Variants in EMB observed in about 807,000 individuals in gnomAD.
EMB encodes embigin homolog.
Under a neutral mutation model 41.4 loss-of-function variants are expected in EMB, and 31 were observed. The ratio of observed to expected loss-of-function variants is 0.75; its 90% CI spans 0.56 to 1.01. EMB has a LOEUF of 1.01. Among genes scored for constraint, EMB ranks in the 50% least tolerant of loss-of-function variants. The pLI is 0.00. For missense variants in EMB, 379 were observed against 388.3 expected, an observed-to-expected ratio of 0.98 and a Z score of 0.20; for synonymous variants, 137 against 140.4, an observed-to-expected ratio of 0.98 and a Z score of 0.17.
At chr5:50,422,016 G>C (rs537534881) in intron 2 of EMB, among the ~76,000 whole-genome samples, 56 of 152,108 alleles carry the variant, frequency 3.7e-4, no homozygotes, top group African/African-American at 1.3e-3. Context: ...TGCACGTTGT[G>C]CACATGTACC....
intron 4 of EMB, among the ~76,000 whole-genome samples, chr5:50,408,352 G>A (rs896530108): frequency 6.6e-6 from 1 of 151,902 alleles, no homozygotes; most frequent in Non-Finnish European, 1.5e-5. Context: ...TTTCTCGGGT[G>A]GCAAGTAATC....
At chr5:50,432,673 G>GAA (rs1745739491) in intron 1 of EMB, among the ~76,000 whole-genome samples, 1 of 137,596 alleles carries the variant, frequency 7.3e-6, no homozygotes. Context: ...GCAGAAAGAG[G>GAA]AAAAAGGAAA....
At chr5:50,426,137 G>A (rs1034076865) in intron 2 of EMB, among the ~76,000 whole-genome samples, 17 of 152,114 alleles carry the variant, frequency 1.1e-4, no homozygotes, top group Admixed American at 6.6e-4. Flanking sequence ...ACAAGTAACT[G>A]GGCATTATGC....
intron 4 of EMB, among the ~76,000 whole-genome samples, chr5:50,407,868 A>C (rs1745273561): frequency 6.6e-6 from 1 of 151,962 alleles, no homozygotes; most frequent in Admixed American, 6.6e-5. Flanking sequence ...TGGGGTTTGG[A>C]TATACCCAGT....
chr5:50,422,539 A>C (rs540596624), intron 2 of EMB, among the ~76,000 whole-genome samples: 1 of 152,358 alleles, frequency 6.6e-6, no homozygotes, highest in East Asian at 1.9e-4. Context: ...TTCAGTTAAG[A>C]AAGTTGAGAC....
At chr5:50,435,749 G>A (rs1175857103) in intron 1 of EMB, among the ~76,000 whole-genome samples, 1 of 152,032 alleles carries the variant, frequency 6.6e-6, no homozygotes, top group African/African-American at 2.4e-5. Flanking sequence ...TTAGTACTTT[G>A]TACCCCATCA....
At chr5:50,424,235 T>C (rs556519504) in intron 2 of EMB, among the ~76,000 whole-genome samples, 12 of 152,366 alleles carry the variant, frequency 7.9e-5, no homozygotes, top group African/African-American at 2.9e-4. Flanking sequence ...GTATTTTAGA[T>C]ACTCGTAGGT....
chr5:50,438,338 G>C (rs1745839441), intron 1 of EMB, among the ~76,000 whole-genome samples: 1 of 152,232 alleles, frequency 6.6e-6, no homozygotes, highest in African/African-American at 2.4e-5. Flanking sequence ...CCTCCAGCCT[G>C]AGCGACAGAG....
chr5:50,438,158 C>T (rs924503821), intron 1 of EMB, among the ~76,000 whole-genome samples: 5 of 152,180 alleles, frequency 3.3e-5, no homozygotes, highest in African/African-American at 9.7e-5. Context: ...TTTAGGAAAA[C>T]AGGCACTGGA....
rs1295514707 is a variant in EMB, at chr5:50,402,199, TC to T, written c.911+86del. 9.0e-5 allele frequency: 126 copies of T among 1,395,100 alleles called. 2 individuals carry two copies. In the South Asian group the frequency reaches 1.2e-3, roughly 13 times the overall value. The allele number at this position is 1,395,100 out of a possible 1,614,324, so 86.4% of individuals were successfully genotyped here. A position where few individuals can be genotyped will look rare whatever the true frequency, so the allele number is the denominator to read the frequency against. ...ACAGAAAATACTCCTCTGCCTTTTC[TC>T]CCCCTAACTGCAAACATTTCATTCA... On this transcript the variant is annotated intron_variant, in intron 7 of 8. Coordinates refer to ENST00000303221, the MANE Select transcript of EMB (RefSeq NM_198449.3).
intron 2 of EMB, among the ~76,000 whole-genome samples, chr5:50,427,079 T>C (rs1745623602): frequency 6.6e-6 from 1 of 152,168 alleles, no homozygotes; most frequent in Admixed American, 6.6e-5. Context: ...CAGAACTTGT[T>C]AGCTCCCAAA....
intron 4 of EMB, among the ~76,000 whole-genome samples, chr5:50,408,402 T>C (rs1342636277): frequency 2.0e-5 from 3 of 152,028 alleles, no homozygotes; most frequent in Non-Finnish European, 2.9e-5. Flanking sequence ...GTGTACACTT[T>C]TGCTGTCTCC....
At position 50,430,005 on chromosome 5, in the gene EMB, T is replaced by TCTCA. The variant is rs1554025584; in HGVS notation, c.113-1779_113-1778insTGAG. 6.7e-4 allele frequency among the ~76,000 whole-genome samples: 94 copies of TCTCA among 140,580 alleles called. 1 individual carries two copies. The South Asian group carries it at 7.3e-3, about 11-fold the overall frequency. The allele number at this position is 140,580 out of a possible 152,430, so 92.2% of individuals were successfully genotyped here. A position where few individuals can be genotyped will look rare whatever the true frequency, so the allele number is the denominator to read the frequency against. On this transcript the variant is annotated intron_variant, in intron 1 of 8. Coordinates refer to ENST00000303221, the MANE Select transcript of EMB (RefSeq NM_198449.3). ...CTCTCTCTCTCTCTCTCTCTCTCTC[T>TCTCA]CACACACACACACACACACAAACAC...
At chr5:50,414,555 A>C (rs1186206585) in intron 2 of EMB, among the ~76,000 whole-genome samples, 1 of 145,676 alleles carries the variant, frequency 6.9e-6, no homozygotes, top group African/African-American at 2.6e-5. Flanking sequence ...AAAAAAAAAA[A>C]ATTCTATCAC....
chr5:50,429,055 C>T (rs553983948), intron 1 of EMB, among the ~76,000 whole-genome samples: 14 of 152,160 alleles, frequency 9.2e-5, no homozygotes, highest in African/African-American at 3.4e-4. Flanking sequence ...GCCACCACGC[C>T]CAGCTAATTT....
chr5:50,421,620 C>T (rs1453242869), intron 2 of EMB, among the ~76,000 whole-genome samples: 4 of 151,776 alleles, frequency 2.6e-5, no homozygotes, highest in African/African-American at 9.7e-5. Context: ...GCACTATTCA[C>T]AATAGCAAAG....
rs1579722659 is a variant in EMB, at chr5:50,405,966, T to G, written c.473-114A>C. The stretch of plus-strand genomic sequence containing the variant: ...TTTCATTACATTATTTTAAGTACTT[T>G]CAGTTATATATCAATGAAACTAATT... On this transcript the variant is annotated intron_variant, in intron 4 of 8. Coordinates refer to ENST00000303221, the MANE Select transcript of EMB (RefSeq NM_198449.3). 2.1e-6 allele frequency: 3 copies of G among 1,395,778 alleles called. No homozygotes were observed. In the East Asian group the frequency reaches 8.0e-5, roughly 37 times the overall value. The allele number at this position is 1,395,778 out of a possible 1,614,324, so 86.5% of individuals were successfully genotyped here.
chr5:50,412,194 T>C (rs1375587785), intron 2 of EMB, among the ~76,000 whole-genome samples: 1 of 151,614 alleles, frequency 6.6e-6, no homozygotes, highest in Non-Finnish European at 1.5e-5. Flanking sequence ...AGAGAAGCTT[T>C]AGGGAAGTTG....
intron 7 of EMB, among the ~76,000 whole-genome samples, chr5:50,401,753 AACAG>A (rs1405104875): frequency 6.6e-6 from 1 of 151,940 alleles, no homozygotes; most frequent in Non-Finnish European, 1.5e-5. Flanking sequence ...AGTGATTTTC[AACAG>A]ACAGAGGATC....
Sources: allele counts gnomAD v4.1 joint callset (sites outside exome capture counted in the v4.1 genomes callset), GRCh38; gene constraint gnomAD v4.1.1; transcripts MANE v1.5; gene names NCBI Gene and HGNC (gene_info 2026-07-23, HGNC 2026-07-21).